The following CATSPERE variants were observed in gnomAD, a reference collection of about 807,000 sequenced individuals.
The protein encoded by CATSPERE is cation channel sperm-associated auxiliary subunit epsilon.
Under a neutral mutation model 114.1 loss-of-function variants are expected in CATSPERE, and 93 were observed. The observed-to-expected ratio is 0.81, with a 90% CI of 0.69 to 0.97. The LOEUF is 0.97. Ranked by LOEUF, CATSPERE falls within the 50% of genes least tolerant of loss-of-function variation. The probability of loss-of-function intolerance (pLI) is 0.00; values close to 1 mark genes in which losing one functional copy is unlikely to be tolerated. For synonymous variants in CATSPERE, 341 were observed against 384.1 expected, an observed-to-expected ratio of 0.89 and a Z score of 1.31; for missense variants, 1,058 against 1,131.6, an observed-to-expected ratio of 0.93 and a Z score of 0.93.
Position 244,572,425 on chromosome 1 carries a change from A to C in CATSPERE, c.1603A>C (p.Asn535His), listed in dbSNP as rs767818910. The C allele has an allele frequency of 4.5e-5, 73 of 1,606,760 alleles. 1 individual carries two copies. In the South Asian group the frequency reaches 5.8e-4, roughly 13 times the overall value. Residue 535 changes from asparagine (N) to histidine (H), a missense_variant, in exon 11 of 22, where the codon AAT becomes CAT. Coordinates refer to ENST00000366534, the MANE Select transcript of CATSPERE (RefSeq NM_001130957.2). ...RDAVKLHLWT[N>H]YTTRAFIFLS... is the part of the protein sequence containing the mutation. ...TGCAGTAAAGCTGCATTTATGGACAAATTACACAACAAGAGCATTCATTTT... is the reference window on the plus strand; with the variant it reads ...TGCAGTAAAGCTGCATTTATGGACACATTACACAACAAGAGCATTCATTTT...
chr1:244,532,910 A>G (rs1361812332), intron 8 of CATSPERE, among the ~76,000 whole-genome samples: 1 of 151,684 alleles, frequency 6.6e-6, no homozygotes, highest in Non-Finnish European at 1.5e-5. Context: ...GTGTTTGTTG[A>G]TTTTCTGTCT....
chr1:244,605,897 G>T, intron 18 of CATSPERE, 103 bp downstream of exon 18: 1 of 676,938 alleles, frequency 1.5e-6, no homozygotes, highest in Non-Finnish European at 2.4e-6. Flanking sequence ...GAATAAGGCA[G>T]CAGTGGGTAG....
intron 8 of CATSPERE, among the ~76,000 whole-genome samples, chr1:244,533,595 C>T (rs1485996768): frequency 6.6e-6 from 1 of 152,034 alleles, no homozygotes; most frequent in African/African-American, 2.4e-5. Context: ...AAACTGATGA[C>T]AACACTGATT....
chr1:244,592,836 G>A (rs753140918), intron 15 of CATSPERE, among the ~76,000 whole-genome samples: 28 of 152,276 alleles, frequency 1.8e-4, no homozygotes, highest in Non-Finnish European at 3.4e-4. Flanking sequence ...CCCCTGCAAC[G>A]TGGTAACATA....
At chr1:244,522,115 C>G (rs896879394) in intron 8 of CATSPERE, among the ~76,000 whole-genome samples, 5 of 152,228 alleles carry the variant, frequency 3.3e-5, no homozygotes, top group Non-Finnish European at 5.9e-5. Context: ...TGTAAAAGAA[C>G]AGAAATTATA....
intron 21 of CATSPERE, among the ~76,000 whole-genome samples, chr1:244,638,106 A>G (rs890208872): frequency 3.3e-5 from 5 of 152,086 alleles, no homozygotes; most frequent in African/African-American, 1.2e-4. Flanking sequence ...GATCCTTCTA[A>G]TAGGTTTTTA....
intron 10 of CATSPERE, among the ~76,000 whole-genome samples, chr1:244,565,073 C>T (rs919023087): frequency 1.3e-5 from 2 of 152,160 alleles, no homozygotes; most frequent in Non-Finnish European, 2.9e-5. Flanking sequence ...TATATTGAAC[C>T]AGCCTTGCAT....
At chr1:244,454,931 CTTGTT>C (rs927510154) in intron 1 of CATSPERE, among the ~76,000 whole-genome samples, 1 of 152,094 alleles carries the variant, frequency 6.6e-6, no homozygotes, top group Non-Finnish European at 1.5e-5. Flanking sequence ...ATTTCTCTGT[CTTGTT>C]TTGTGTCCTG....
At chr1:244,468,595 A>C (rs1350969626) in intron 2 of CATSPERE, among the ~76,000 whole-genome samples, 1 of 152,076 alleles carries the variant, frequency 6.6e-6, no homozygotes, top group African/African-American at 2.4e-5. Flanking sequence ...AAAACCAATG[A>C]TATTGCAGCT....
At chr1:244,626,485 CAAAAAAAAAAAAAA>C (rs35687880) in intron 20 of CATSPERE, among the ~76,000 whole-genome samples, 1 of 66,878 alleles carries the variant, frequency 1.5e-5, no homozygotes, top group African/African-American at 5.5e-5. Context: ...AATTCCATCT[CAAAAAAAAAAAAAA>C]AAAAAAAAAG....
At chr1:244,526,136 G>C (rs1431973857) in intron 8 of CATSPERE, among the ~76,000 whole-genome samples, 2 of 152,206 alleles carry the variant, frequency 1.3e-5, no homozygotes, top group Admixed American at 1.3e-4. Context: ...TCAGGAAAGT[G>C]TGGTGACACA....
At chr1:244,477,791 A>T in intron 3 of CATSPERE, 115 bp from the exon 4 acceptor site, 3 of 991,548 alleles carry the variant, frequency 3.0e-6, no homozygotes, top group Non-Finnish European at 4.5e-6. Context: ...GCAAATATTT[A>T]AAAATATCTC....
intron 2 of CATSPERE, among the ~76,000 whole-genome samples, chr1:244,473,500 C>T (rs1668801169): frequency 6.6e-6 from 1 of 152,046 alleles, no homozygotes; most frequent in Non-Finnish European, 1.5e-5. Flanking sequence ...ATTCTGGATA[C>T]CATCTTTTAT....
chr1:244,469,563 C>T (rs1004067796), intron 2 of CATSPERE, among the ~76,000 whole-genome samples: 1 of 152,142 alleles, frequency 6.6e-6, no homozygotes. Context: ...TAAAAGGCAT[C>T]CACTTTGGAA....
At chr1:244,611,727 G>A (rs1284077988) in intron 19 of CATSPERE, among the ~76,000 whole-genome samples, 1 of 152,128 alleles carries the variant, frequency 6.6e-6, no homozygotes, top group East Asian at 1.9e-4. Flanking sequence ...TTAGGGACAG[G>A]GATAAATGAT....
chr1:244,556,312 A>C (rs551533773), intron 9 of CATSPERE, among the ~76,000 whole-genome samples: 1 of 152,224 alleles, frequency 6.6e-6, no homozygotes, highest in South Asian at 2.1e-4. Flanking sequence ...GAAATATGAA[A>C]AAAATTATAA....
chr1:244,490,168 AT>A (rs1671775682), intron 5 of CATSPERE, among the ~76,000 whole-genome samples: 1 of 152,202 alleles, frequency 6.6e-6, no homozygotes, highest in Admixed American at 6.5e-5. Flanking sequence ...GTCATTATTA[AT>A]CTTAGCGTGA....
At chr1:244,553,049 GA>G (rs1660904682) in intron 9 of CATSPERE, among the ~76,000 whole-genome samples, 1 of 152,074 alleles carries the variant, frequency 6.6e-6, no homozygotes, top group African/African-American at 2.4e-5. Context: ...GTTCAGTCAT[GA>G]GAGCTTTGTT....
chr1:244,546,062 G>T (rs1659705421), intron 8 of CATSPERE, among the ~76,000 whole-genome samples: 1 of 152,194 alleles, frequency 6.6e-6, no homozygotes, highest in Admixed American at 6.5e-5. Context: ...ATGCTAAGGG[G>T]AATTGACCCA....
Sources: allele counts gnomAD v4.1 joint callset (sites outside exome capture counted in the v4.1 genomes callset), GRCh38; gene constraint gnomAD v4.1.1; transcripts MANE v1.5; gene names NCBI Gene and HGNC (gene_info 2026-07-23, HGNC 2026-07-21).